Variants in TLR1 observed in about 807,000 individuals in gnomAD.
TLR1 encodes the protein toll like receptor 1, also known as toll-like receptor 1.
TLR1 carries 19 observed loss-of-function variants against 20.2 expected under a neutral mutation model. The ratio of observed to expected loss-of-function variants is 0.94; its 90% CI spans 0.66 to 1.38. The LOEUF is 1.38. Among genes scored for constraint, TLR1 ranks in the 40% most tolerant of loss-of-function variants. The pLI, the probability that TLR1 is intolerant of heterozygous loss-of-function variation, is 0.00. For missense variants in TLR1, 921 were observed against 910.0 expected (o/e 1.01, Z -0.16); for synonymous variants, 320 against 334.5 (o/e 0.96, Z 0.47).
rs146114753 is a variant in TLR1, at chr4:38,798,468, A to C, written c.364T>G (p.Ser122Ala). The C allele has an allele frequency of 1.2e-4, 192 of 1,614,014 alleles. No homozygotes were observed. The highest frequency in any genetic ancestry group is 1.5e-4 in the Non-Finnish European group (179 of 1,179,988). The change falls in exon 4 of 4, where the codon TCA becomes GCA. Residue 122 changes from serine (S) to alanine (A), a missense_variant. Transcript: ENST00000308979. ...PTVNLKHLDLSFNAFDALPIC... is the reference protein window; with the variant it reads ...PTVNLKHLDLAFNAFDALPIC... Reference sequence around the variant, plus strand: ...GGCAGGGCATCAAATGCATTAAATGACAGGTCCAAGTGCTTGAGGTTCACA... The same window carrying C: ...GGCAGGGCATCAAATGCATTAAATGCCAGGTCCAAGTGCTTGAGGTTCACA...
intron 3 of TLR1, among the ~76,000 whole-genome samples, chr4:38,799,488 C>T (rs45610931): frequency 0.01 from 1,534 of 152,244 alleles, 32 homozygotes; most frequent in South Asian, 0.077. Flanking sequence ...CCTTGAGTTT[C>T]GACTTCTGCT....
downstream of TLR1, among the ~76,000 whole-genome samples, chr4:38,795,091 T>A (rs111239364): frequency 2.0e-5 from 3 of 152,216 alleles, no homozygotes; most frequent in African/African-American, 7.2e-5. Flanking sequence ...CCACTAGGGA[T>A]TGTCTGAGAA....
chr4:38,796,768 C>G lies in TLR1; in HGVS notation c.2064G>C (p.Glu688Asp). Residue 688 changes from glutamate to aspartate, a missense_variant, in exon 4 of 4, where the codon GAG becomes GAC. By Grantham distance (45) the Glu-to-Asp change is conservative. Coordinates refer to ENST00000308979, the MANE Select transcript of TLR1 (RefSeq NM_003263.4). ...SIVENIITCIEKSYKSIFVLS... is the reference protein window; with the variant it reads ...SIVENIITCIDKSYKSIFVLS... The stretch of plus-strand genomic sequence containing the variant: ...AAACAAAGATGGACTTGTAACTCTT[C>G]TCAATGCAGGTGATGATATTTTCCA... The G allele has an allele frequency of 6.2e-7, 1 of 1,614,196 alleles. No homozygotes were observed. Among genetic ancestry groups the G allele is most frequent in the Non-Finnish European group, 8.5e-7 (1 of 1,180,044 alleles).
downstream of TLR1, among the ~76,000 whole-genome samples, chr4:38,794,992 G>A (rs370538109): frequency 3.7e-4 from 56 of 152,282 alleles, no homozygotes; most frequent in African/African-American, 1.2e-3. Context: ...AGAGTGACCC[G>A]AATGAGAAGA....
Position 38,797,801 on chromosome 4 carries a change from G to A in TLR1, c.1031C>T (p.Pro344Leu), listed in dbSNP as rs956074373. The A allele has an allele frequency of 6.2e-7, 1 of 1,614,052 alleles. No homozygotes were observed. Among genetic ancestry groups the A allele is most frequent in the Non-Finnish European group, 8.5e-7 (1 of 1,179,938 alleles). Residue 344 changes from proline (P) to leucine (L), a missense_variant, in exon 4 of 4, where the codon CCA becomes CTA. Physicochemically the swap from Pro to Leu is moderately conservative, Grantham distance 98. Coordinates refer to ENST00000308979, the MANE Select transcript of TLR1 (RefSeq NM_003263.4). ...SGTRMVHMLC[P>L]SKISPFLHLD... ...ATGCAGGAACGGGCTAATTTTGGAT[G>A]GGCAAAGCATGTGGACCATGCGTGT...
rs1304319533 is a variant in TLR1 at position 38,797,232 on chromosome 4, C to A, written c.1600G>T (p.Glu534Ter). The A allele has an allele frequency of 3.1e-6, 5 of 1,614,230 alleles. No individual in the cohort carries two copies. In the East Asian group the frequency reaches 8.9e-5, roughly 29 times the overall value. The change falls in exon 4 of 4, where the codon GAA (glutamate) becomes TAA (stop). Residue 534 changes from glutamate to a stop codon, truncating the protein, a stop_gained. Coordinates refer to ENST00000308979, the MANE Select transcript of TLR1 (RefSeq NM_003263.4). LOFTEE classifies it high-confidence loss of function. Reference sequence around the variant, plus strand: ...ACTTGGTCTATATTTTTGACAAATTCTCCTAGCTCACAGGTACATTGGAAT... The same window carrying A: ...ACTTGGTCTATATTTTTGACAAATTATCCTAGCTCACAGGTACATTGGAAT... ...NPFQCTCELG[E>*]FVKNIDQVSS...
downstream of TLR1, among the ~76,000 whole-genome samples, chr4:38,792,875 A>ATC (rs527440169): frequency 6.8e-6 from 1 of 147,972 alleles, no homozygotes; most frequent in African/African-American, 2.5e-5. Flanking sequence ...ATATATATAT[A>ATC]TCTCCAAATT....
At position 38,797,683 on chromosome 4, in the gene TLR1, T is replaced by C. The variant is rs530611765; in HGVS notation, c.1149A>G (p.Gln383=). The C allele has an allele frequency of 5.1e-5, 82 of 1,613,984 alleles. No individual in the cohort carries two copies. The South Asian group carries it at 8.9e-4, about 18-fold the overall frequency. ...CAGCTATTTTTGAAAGTTCTTTTAATTGATTCATTTGTAAAATAAGTGTCT... is the reference window on the plus strand; with the variant it reads ...CAGCTATTTTTGAAAGTTCTTTTAACTGATTCATTTGTAAAATAAGTGTCT... ...ELETLILQMN[Q]LKELSKIAEM... The change falls in exon 4 of 4, where the codon CAA becomes CAG. Residue 383 remains glutamine (Q), a synonymous_variant. Coordinates refer to ENST00000308979, the MANE Select transcript of TLR1 (RefSeq NM_003263.4).
intron 2 of TLR1, 150 bp from the exon 3 acceptor site, chr4:38,801,098 A>G (rs1726609368): frequency 6.5e-6 from 1 of 152,826 alleles, no homozygotes; most frequent in East Asian, 1.9e-4. Context: ...ACAAGGAGCA[A>G]TATTTCAATG....
chr4:38,795,095 C>G (rs1283017479), downstream of TLR1, among the ~76,000 whole-genome samples: 3 of 152,110 alleles, frequency 2.0e-5, no homozygotes, highest in Admixed American at 2.0e-4. Context: ...TAGGGATTGT[C>G]TGAGAAAAGG....
downstream of TLR1, among the ~76,000 whole-genome samples, chr4:38,790,225 TCTTGG>T (rs1297730788): frequency 6.6e-6 from 1 of 152,234 alleles, no homozygotes; most frequent in Admixed American, 6.5e-5. Context: ...GCATCTCCTT[TCTTGG>T]TTTTTATCTG....
Position 38,796,630 on chromosome 4 carries a change from A to G in TLR1, c.2202T>C (p.Ile734=), listed in dbSNP as rs1475011561. ...AACTGCTAGGAATGGAGTACTGCGG[A>G]ATGGGTTCCAGCAAGATCAGGATTA... The part of the protein sequence containing the change: ...NSLILILLEP[I]PQYSIPSSYH... Residue 734 remains isoleucine, a synonymous_variant, in exon 4 of 4, where the codon ATT becomes ATC. Transcript: ENST00000308979. The G allele has an allele frequency of 1.9e-6, 3 of 1,614,074 alleles. No individual in the cohort carries two copies. The highest frequency in any genetic ancestry group is 2.5e-6 in the Non-Finnish European group (3 of 1,180,048).
chr4:38,793,297 G>A (rs1195889014), downstream of TLR1, among the ~76,000 whole-genome samples: 1 of 152,038 alleles, frequency 6.6e-6, no homozygotes, highest in African/African-American at 2.4e-5. Flanking sequence ...AAATCTAAAG[G>A]TCTTGGCTAG....
At chr4:38,801,029 C>T (rs183630668) in intron 2 of TLR1, 81 bp from the exon 3 acceptor site, 55 of 152,750 alleles carry the variant, frequency 3.6e-4, no homozygotes, top group African/African-American at 1.2e-3. Context: ...CTGTATTTGG[C>T]TGAAAGACCC....
downstream of TLR1, among the ~76,000 whole-genome samples, chr4:38,788,980 C>G (rs1725659624): frequency 6.6e-6 from 1 of 152,026 alleles, no homozygotes; most frequent in Non-Finnish European, 1.5e-5. Flanking sequence ...CACTCCAGCA[C>G]AAGTGGCACA....
intron 3 of TLR1, among the ~76,000 whole-genome samples, chr4:38,799,508 G>T (rs909670155): frequency 6.6e-6 from 1 of 152,158 alleles, no homozygotes; most frequent in Non-Finnish European, 1.5e-5. Context: ...TCTCCAGAAC[G>T]TTGAGGGCAA....
rs1287332458 is a variant in TLR1, at chr4:38,798,213, C to T, written c.619G>A (p.Asp207Asn). 6.2e-7 allele frequency: 1 copy of T among 1,613,676 alleles called. No homozygotes were observed. Among genetic ancestry groups the T allele is most frequent in the East Asian group, 2.2e-5 (1 of 44,888 alleles). Residue 207 changes from aspartate (D) to asparagine (N), a missense_variant, in exon 4 of 4, where the codon GAT (aspartate) becomes AAT (asparagine). Physicochemically the swap from Asp to Asn is conservative, Grantham distance 23 (BLOSUM62 1). Coordinates refer to ENST00000308979, the MANE Select transcript of TLR1 (RefSeq NM_003263.4). Reference sequence around the variant, plus strand: ...TTTGCTACAGTCTTGACTGACACATCCAAAATAAAATGGAATTCTTTGTTT... The same window carrying T: ...TTTGCTACAGTCTTGACTGACACATTCAAAATAAAATGGAATTCTTTGTTT... ...PTNKEFHFIL[D>N]VSVKTVANLE... is the part of the protein sequence containing the mutation.
chr4:38,795,990 G>A (rs1028010342), downstream of TLR1, among the ~76,000 whole-genome samples: 1 of 150,808 alleles, frequency 6.6e-6, no homozygotes, highest in African/African-American at 2.5e-5. Context: ...GTGGGGGGTT[G>A]GGGAGGAACC....
In TLR1 at chr4:38,796,705, A is replaced by C; in HGVS notation, c.2127T>G (p.Tyr709Ter). The change falls in exon 4 of 4, where the codon TAT (tyrosine) becomes TAG (stop). Residue 709 changes from tyrosine (Y) to a stop codon, truncating the protein, a stop_gained. Transcript: ENST00000308979. LOFTEE classifies it high-confidence loss of function. ...PNFVQSEWCH[Y>*]ELYFAHHNLF... ...GATTGTGATGGGCAAAGTAGAGTTCATAATGGCACCATTCACTCTGGACAA... is the reference window on the plus strand; with the variant it reads ...GATTGTGATGGGCAAAGTAGAGTTCCTAATGGCACCATTCACTCTGGACAA... 6.2e-7 allele frequency: 1 copy of C among 1,614,216 alleles called. No individual in the cohort carries two copies. The highest frequency in any genetic ancestry group is 8.5e-7 in the Non-Finnish European group (1 of 1,180,036).
Sources: allele counts gnomAD v4.1 joint callset (sites outside exome capture counted in the v4.1 genomes callset), GRCh38; gene constraint gnomAD v4.1.1; transcripts MANE v1.5; gene names NCBI Gene and HGNC (gene_info 2026-07-23, HGNC 2026-07-21).